The following WASHC3 variants were observed in gnomAD, a reference collection of about 807,000 sequenced individuals.
WASHC3 encodes the protein WASH complex subunit 3.
WASHC3 carries 24 observed loss-of-function variants against 26.1 expected under a neutral mutation model. The observed-to-expected ratio is 0.92, with a 90% CI of 0.66 to 1.29. The LOEUF (loss-of-function observed/expected upper bound fraction) is 1.29, where lower values mean the gene tolerates loss of function less well. WASHC3 is among the 50% of genes most tolerant of loss of function. WASHC3 has a pLI of 0.00. For missense variants in WASHC3, 214 were observed against 229.6 expected (o/e 0.93, Z 0.44); for synonymous variants, 77 against 75.7 (o/e 1.02, Z -0.09).
intron 2 of WASHC3, among the ~76,000 whole-genome samples, chr12:102,047,327 T>A (rs1432019601): frequency 6.6e-6 from 1 of 152,170 alleles, no homozygotes; most frequent in East Asian, 1.9e-4. Flanking sequence ...TGCCCACAAT[T>A]AGAGGGGGCA....
intron 5 of WASHC3, among the ~76,000 whole-genome samples, chr12:102,039,127 GGTTTTTTTTTTT>G (rs1250379637): frequency 1.1e-4 from 9 of 84,256 alleles, no homozygotes; most frequent in East Asian, 3.6e-4. Context: ...TATGGAGTTA[GGTTTTTTTTTTT>G]TTTTTTTTTT....
At position 102,051,469 on chromosome 12, in the gene WASHC3, A is replaced by G. The variant is rs73382868; in HGVS notation, c.151-5350T>C. Among the ~76,000 whole-genome samples the G allele has an allele frequency of 3.4e-3, 513 of 152,366 alleles. 2 individuals carry two copies. The highest frequency in any genetic ancestry group is 0.012 in the African/African-American group (479 of 41,582). ...AATTGACATAAAAATATATTACATCAAACAGACATAGCATAGCAAAGAAGT... is the reference window on the plus strand; with the variant it reads ...AATTGACATAAAAATATATTACATCGAACAGACATAGCATAGCAAAGAAGT... On this transcript the variant is annotated intron_variant, in intron 2 of 6. Coordinates refer to ENST00000240079, the MANE Select transcript of WASHC3 (RefSeq NM_016053.4).
At position 102,035,892 on chromosome 12, in the gene WASHC3, T is replaced by C. The variant is rs535235187; in HGVS notation, c.435+3976A>G. The stretch of plus-strand genomic sequence containing the variant: ...AACAAAAGGAGCTATTACTTCTAGC[T>C]TTACGTGTGTTGGTGGGTTTAGAAT... On this transcript the variant is annotated intron_variant, in intron 5 of 6. Coordinates refer to ENST00000240079, the MANE Select transcript of WASHC3 (RefSeq NM_016053.4). Among the ~76,000 whole-genome samples, 68 of 152,344 alleles carry C rather than the reference T, an allele frequency of 4.5e-4. No homozygotes were observed. In the South Asian group the frequency reaches 0.013, roughly 30 times the overall value.
rs561351211 is a variant in WASHC3 at position 102,039,503 on chromosome 12, A to T, written c.435+365T>A. 1.6e-4 allele frequency among the ~76,000 whole-genome samples: 24 copies of T among 152,262 alleles called. No individual in the cohort carries two copies. In the East Asian group the frequency reaches 1.7e-3, roughly 11 times the overall value. ...ATCATTGATAAACATAAAAATTTTT[A>T]AAAAATATTATTTGTGCTAATAATA... On this transcript the variant is annotated intron_variant, in intron 5 of 6. Coordinates refer to ENST00000240079, the MANE Select transcript of WASHC3 (RefSeq NM_016053.4).
At chr12:102,013,308 G>A in intron 6 of WASHC3, 116 bp from the exon 7 acceptor site, 2 of 624,278 alleles carry the variant, frequency 3.2e-6, no homozygotes, top group South Asian at 1.9e-5. Flanking sequence ...CCAAGTCCGT[G>A]TCCTCAGTCT....
At chr12:102,033,110 A>ATTTT (rs1268870674) in intron 5 of WASHC3, among the ~76,000 whole-genome samples, 1 of 151,936 alleles carries the variant, frequency 6.6e-6, no homozygotes, top group Non-Finnish European at 1.5e-5. Flanking sequence ...CACATATAAA[A>ATTTT]GCAAGGCATT....
chr12:102,029,439 AC>A (rs892136422), intron 5 of WASHC3, among the ~76,000 whole-genome samples: 1 of 152,248 alleles, frequency 6.6e-6, no homozygotes, highest in Non-Finnish European at 1.5e-5. Context: ...AAGAAGCCAC[AC>A]TAATGAAATT....
chr12:102,053,454 G>T (rs1878472766), intron 2 of WASHC3, among the ~76,000 whole-genome samples: 1 of 152,200 alleles, frequency 6.6e-6, no homozygotes, highest in Non-Finnish European at 1.5e-5. Context: ...GAGCTTACTG[G>T]TGAAGGGCTT....
Position 102,044,152 on chromosome 12 carries a change from T to C in WASHC3, c.277A>G (p.Ser93Gly). 4 of 1,610,900 alleles carry C rather than the reference T, an allele frequency of 2.5e-6. No individual in the cohort carries two copies. The highest frequency in any genetic ancestry group is 2.7e-5 in the African/African-American group (2 of 74,894). Reference sequence around the variant, plus strand: ...TCAGGATGTGCTCCATTTGTGACACTGGTGACATTTAAAGGAGATACTTCA... The same window carrying C: ...TCAGGATGTGCTCCATTTGTGACACCGGTGACATTTAAAGGAGATACTTCA... ...TVEVSPLNVT[S>G]VTNGAHPEAT... The change falls in exon 4 of 7, where the codon AGT (serine) becomes GGT (glycine). Residue 93 changes from serine (S) to glycine (G), a missense_variant. Ser to Gly is a moderately conservative substitution (Grantham distance 56, BLOSUM62 0). Transcript: ENST00000240079.
At chr12:102,058,310 C>T (rs1878671097) in intron 2 of WASHC3, among the ~76,000 whole-genome samples, 1 of 152,072 alleles carries the variant, frequency 6.6e-6, no homozygotes, top group Non-Finnish European at 1.5e-5. Context: ...TGTAAAACTA[C>T]TAGAAGAAAA....
intron 6 of WASHC3, among the ~76,000 whole-genome samples, chr12:102,024,270 A>G (rs188976570): frequency 7.2e-5 from 11 of 152,334 alleles, no homozygotes; most frequent in African/African-American, 2.4e-4. Flanking sequence ...GGAGAGTCAC[A>G]GGAAGATGTG....
At chr12:102,059,988 T>A (rs117231710) in intron 2 of WASHC3, among the ~76,000 whole-genome samples, 2,202 of 152,330 alleles carry the variant, frequency 0.014, 25 homozygotes, top group South Asian at 0.028. Flanking sequence ...TTACTTTGTC[T>A]TAGAAGGCAG....
At chr12:102,034,128 G>C (rs1180400026) in intron 5 of WASHC3, among the ~76,000 whole-genome samples, 1 of 152,062 alleles carries the variant, frequency 6.6e-6, no homozygotes, top group Non-Finnish European at 1.5e-5. Context: ...CCTCCTTATA[G>C]CCAGTGGTCA....
At chr12:102,029,684 C>T (rs1877349023) in intron 5 of WASHC3, among the ~76,000 whole-genome samples, 1 of 152,094 alleles carries the variant, frequency 6.6e-6, no homozygotes, top group South Asian at 2.1e-4. Flanking sequence ...TTAAAAATAA[C>T]TAAAAATGCT....
chr12:102,057,607 C>T (rs963907560), intron 2 of WASHC3, among the ~76,000 whole-genome samples: 2 of 151,358 alleles, frequency 1.3e-5, no homozygotes, highest in Admixed American at 6.6e-5. Context: ...AAATCAGTAG[C>T]ATTTCTATAC....
chr12:102,033,873 A>T (rs1877540748), intron 5 of WASHC3, among the ~76,000 whole-genome samples: 1 of 152,020 alleles, frequency 6.6e-6, no homozygotes, highest in Non-Finnish European at 1.5e-5. Flanking sequence ...TAAACTACTC[A>T]AGGTCATACT....
intron 6 of WASHC3, among the ~76,000 whole-genome samples, chr12:102,020,053 T>C (rs1183013864): frequency 6.6e-6 from 1 of 152,164 alleles, no homozygotes; most frequent in East Asian, 1.9e-4. Flanking sequence ...TCTATTCCCT[T>C]GGAGAGAGAG....
At chr12:102,021,392 T>C (rs1270580093) in intron 6 of WASHC3, among the ~76,000 whole-genome samples, 1 of 152,222 alleles carries the variant, frequency 6.6e-6, no homozygotes, top group African/African-American at 2.4e-5. Context: ...GCTCTTGATC[T>C]TGGGATCCTT....
rs1878737187 is a variant in WASHC3, at chr12:102,059,965, C to T, written c.150+1283G>A. 5.9e-5 allele frequency among the ~76,000 whole-genome samples: 9 copies of T among 152,154 alleles called. 1 individual carries two copies. Among genetic ancestry groups the T allele is most frequent in the Admixed American group, 5.9e-4 (9 of 15,286 alleles). ...AATTGAATTAAGCCCCTTACTCTAC[C>T]AATTACTATATTTTACTTTGTCTTA... On this transcript the variant is annotated intron_variant, in intron 2 of 6. Coordinates refer to ENST00000240079, the MANE Select transcript of WASHC3 (RefSeq NM_016053.4).
Sources: allele counts gnomAD v4.1 joint callset (sites outside exome capture counted in the v4.1 genomes callset), GRCh38; gene constraint gnomAD v4.1.1; transcripts MANE v1.5; gene names NCBI Gene and HGNC (gene_info 2026-07-23, HGNC 2026-07-21).